The following MED27 variants were observed in gnomAD, a reference collection of about 807,000 sequenced individuals.
MED27 encodes the protein mediator complex subunit 27.
A neutral mutation model predicts 38.2 loss-of-function variants in MED27; 30 were observed. That is an observed-to-expected ratio of 0.79 (90% CI 0.59 to 1.07). MED27 has a LOEUF of 1.07. Ranked by LOEUF, MED27 falls within the 50% of genes least tolerant of loss-of-function variation. The probability of loss-of-function intolerance (pLI) is 0.00; values close to 1 mark genes in which losing one functional copy is unlikely to be tolerated. For synonymous variants in MED27, 122 were observed against 153.5 expected (o/e 0.79, Z 1.52); for missense variants, 289 against 397.5 (o/e 0.73, Z 2.32).
chr9:131,908,639 G>A (rs986075697), intron 4 of MED27, among the ~76,000 whole-genome samples: 1 of 152,172 alleles, frequency 6.6e-6, no homozygotes, highest in Non-Finnish European at 1.5e-5. Flanking sequence ...GATTAAGGGT[G>A]GTGCAAGATG....
At chr9:132,061,543 G>A (rs1833698544) in intron 2 of MED27, among the ~76,000 whole-genome samples, 1 of 152,160 alleles carries the variant, frequency 6.6e-6, no homozygotes, top group South Asian at 2.1e-4. Context: ...AAAATTTGTT[G>A]TATTTTAAGA....
At chr9:132,055,743 G>A (rs968559501) in intron 2 of MED27, among the ~76,000 whole-genome samples, 2 of 152,186 alleles carry the variant, frequency 1.3e-5, no homozygotes, top group Non-Finnish European at 1.5e-5. Flanking sequence ...AAGCAGCCGA[G>A]ACCATTAAAT....
In MED27 at chr9:131,889,600, G is replaced by C. The variant is rs1839195596; in HGVS notation, c.681+4285C>G. Reference sequence around the variant, plus strand: ...ATCAAAAATATGCATTGCAGGTAAAGAGACAGGATGCTAGGGTCATGGCGG... The same window carrying C: ...ATCAAAAATATGCATTGCAGGTAAACAGACAGGATGCTAGGGTCATGGCGG... On this transcript the variant is annotated intron_variant, in intron 5 of 7. Transcript: ENST00000292035. The surrounding 1 kb of genome is among the most constrained non-coding windows in gnomAD (Gnocchi z 4.2). 6.6e-6 allele frequency among the ~76,000 whole-genome samples: 1 copy of C among 152,210 alleles called. No homozygotes were observed. The highest frequency in any genetic ancestry group is 2.1e-4 in the South Asian group (1 of 4,836).
intron 4 of MED27, among the ~76,000 whole-genome samples, chr9:131,928,483 C>T (rs1193317429): frequency 6.6e-6 from 1 of 152,224 alleles, no homozygotes; most frequent in East Asian, 1.9e-4. Flanking sequence ...GAAAGACAGT[C>T]TTGAGTGACA....
In MED27 at chr9:131,951,442, A is replaced by G. The variant is rs115420835; in HGVS notation, c.480-11968T>C. On this transcript the variant is annotated intron_variant, in intron 3 of 7. Transcript: ENST00000292035. ...CCAGCACACAGCAGGCTCTCAACAGACAACTGATAAATGAATCTTGCACGT... is the reference window on the plus strand; with the variant it reads ...CCAGCACACAGCAGGCTCTCAACAGGCAACTGATAAATGAATCTTGCACGT... Among the ~76,000 whole-genome samples, 234 of 152,340 alleles carry G rather than the reference A, an allele frequency of 1.5e-3. 1 individual carries two copies. The highest frequency in any genetic ancestry group is 5.6e-3 in the African/African-American group (232 of 41,584).
At position 132,049,198 on chromosome 9, in the gene MED27, T is replaced by G. The variant is rs143747895; in HGVS notation, c.348+28244A>C. On this transcript the variant is annotated intron_variant, in intron 2 of 7. Coordinates refer to ENST00000292035, the MANE Select transcript of MED27 (RefSeq NM_004269.4). ...TACTGAGGTTTATCTCCATTGATTT[T>G]ACTTGCAAGAAAAACACATCAGAAA... Among the ~76,000 whole-genome samples the G allele has an allele frequency of 1.3e-4, 20 of 152,338 alleles. No homozygotes were observed. In the South Asian group the frequency reaches 3.5e-3, roughly 27 times the overall value.
chr9:132,026,701 C>T (rs189436437), intron 2 of MED27, among the ~76,000 whole-genome samples: 1 of 152,248 alleles, frequency 6.6e-6, no homozygotes, highest in East Asian at 1.9e-4. Context: ...AGAATGTAAG[C>T]CCCGTAGGAG....
intron 6 of MED27, among the ~76,000 whole-genome samples, chr9:131,869,583 G>T (rs951658998): frequency 5.3e-5 from 8 of 152,150 alleles, no homozygotes; most frequent in Non-Finnish European, 8.8e-5. Flanking sequence ...GTGAGTGCAG[G>T]TTTGAAAAAA....
At chr9:131,998,388 T>C (rs1353265314) in intron 3 of MED27, among the ~76,000 whole-genome samples, 2 of 151,982 alleles carry the variant, frequency 1.3e-5, no homozygotes, top group African/African-American at 4.8e-5. Context: ...AACCAAGAAG[T>C]TCCAGGCCTG....
chr9:132,009,384 T>C (rs1475723720), intron 3 of MED27, among the ~76,000 whole-genome samples: 1 of 151,576 alleles, frequency 6.6e-6, no homozygotes, highest in Non-Finnish European at 1.5e-5. Flanking sequence ...TCGTGACTCA[T>C]TGCAAATGAA....
At chr9:131,993,529 A>G (rs2131045374) in intron 3 of MED27, among the ~76,000 whole-genome samples, 1 of 152,304 alleles carries the variant, frequency 6.6e-6, no homozygotes, top group South Asian at 2.1e-4. Context: ...CTTAGAGTTA[A>G]CACTGATTCT....
intron 1 of MED27, 103 bp from the exon 2 acceptor site, chr9:132,077,689 A>G: frequency 8.3e-7 from 1 of 1,199,506 alleles, no homozygotes; most frequent in Non-Finnish European, 1.1e-6. Flanking sequence ...ATCCATCAGA[A>G]GTCCCTTAAG....
At chr9:131,965,305 G>T (rs150149359) in intron 3 of MED27, among the ~76,000 whole-genome samples, 30 of 152,260 alleles carry the variant, frequency 2.0e-4, no homozygotes, top group African/African-American at 7.0e-4. Context: ...TGCTTCTAGC[G>T]CGAGGCCATG....
chr9:132,047,475 C>CACAT (rs1554768183), intron 2 of MED27, among the ~76,000 whole-genome samples: 3 of 150,832 alleles, frequency 2.0e-5, no homozygotes, highest in Admixed American at 6.6e-5. Context: ...CACACACACA[C>CACAT]GTCTTAGTCC....
intron 3 of MED27, among the ~76,000 whole-genome samples, chr9:131,991,924 C>T (rs773360104): frequency 3.3e-5 from 5 of 152,056 alleles, no homozygotes; most frequent in African/African-American, 4.8e-5. Context: ...GGTTTTACCA[C>T]GTTAGCCAGG....
intron 4 of MED27, among the ~76,000 whole-genome samples, chr9:131,936,886 C>T (rs573582186): frequency 5.9e-5 from 9 of 152,262 alleles, no homozygotes; most frequent in East Asian, 5.8e-4. Flanking sequence ...GTACATTTGC[C>T]GAGGGAGGTA....
intron 3 of MED27, among the ~76,000 whole-genome samples, chr9:131,998,787 T>G (rs912153068): frequency 6.6e-6 from 1 of 152,124 alleles, no homozygotes; most frequent in African/African-American, 2.4e-5. Flanking sequence ...CAAGCCACAC[T>G]TGGGAGGCAC....
In MED27 at chr9:132,028,338, G is replaced by C. The variant is rs998987973; in HGVS notation, c.349-13871C>G. The stretch of plus-strand genomic sequence containing the variant: ...AGCTGGCTAGGTATTACATACAGAG[G>C]GTTTGTTTCTTTAGTTTCAACTTCT... On this transcript the variant is annotated intron_variant, in intron 2 of 7. Transcript: ENST00000292035. 4.6e-5 allele frequency among the ~76,000 whole-genome samples: 7 copies of C among 152,080 alleles called. No homozygotes were observed. In the East Asian group the frequency reaches 1.4e-3, roughly 29 times the overall value.
At position 132,071,637 on chromosome 9, in the gene MED27, TGAAC is replaced by T. The variant is rs1412288420; in HGVS notation, c.348+5801_348+5804del. ...ATGCATACAAGTAACCCACACCTCA[TGAAC>T]GAACACACGCATGAGTAACCCGTGC... On this transcript the variant is annotated intron_variant, in intron 2 of 7. Transcript: ENST00000292035. 2.7e-5 allele frequency among the ~76,000 whole-genome samples: 4 copies of T among 150,780 alleles called. No homozygotes were observed. In the East Asian group the frequency reaches 7.9e-4, roughly 30 times the overall value.
Sources: gnomAD v4.1 joint callset for allele counts (sites outside exome capture counted in the v4.1 genomes callset) on GRCh38, gnomAD v4.1.1 for gene constraint, Gnocchi (gnomAD v3.1) non-coding constraint, MANE v1.5 for transcripts, NCBI Gene and HGNC (gene_info 2026-07-23, HGNC 2026-07-21) for gene names.